CNBD1: variants seen among roughly 807,000 people sequenced by gnomAD.
CNBD1 encodes the protein cyclic nucleotide binding domain containing 1, also known as cyclic nucleotide-binding domain-containing protein 1.
A neutral mutation model predicts 54.4 loss-of-function variants in CNBD1; 71 were observed. That is an observed-to-expected ratio of 1.30 (90% CI 1.08 to 1.59). The LOEUF (loss-of-function observed/expected upper bound fraction) is 1.59, where lower values mean the gene tolerates loss of function less well. CNBD1 is among the 40% of genes most tolerant of loss of function. CNBD1 has a pLI of 0.00. For synonymous variants in CNBD1, 182 were observed against 170.7 expected, an observed-to-expected ratio of 1.07 and a Z score of -0.51; for missense variants, 659 against 518.0, an observed-to-expected ratio of 1.27 and a Z score of -2.64.
intron 8 of CNBD1, among the ~76,000 whole-genome samples, chr8:87,333,529 A>G (rs1451188179): frequency 1.3e-5 from 2 of 152,048 alleles, no homozygotes; most frequent in African/African-American, 4.8e-5. Context: ...AATAGCTCTT[A>G]TTATTTTGAG....
chr8:87,393,425 A>C (rs890017102), intron 2 of CNBD1, among the ~76,000 whole-genome samples: 3 of 152,092 alleles, frequency 2.0e-5, no homozygotes, highest in East Asian at 1.9e-4. Flanking sequence ...AAGTACACAT[A>C]TGCACTAAAT....
At chr8:87,239,611 A>G (rs575575220) in intron 6 of CNBD1, among the ~76,000 whole-genome samples, 75 of 152,290 alleles carry the variant, frequency 4.9e-4, no homozygotes, top group Non-Finnish European at 1.0e-3. Flanking sequence ...TCACCCTCCA[A>G]CAGTTTGGTA....
At chr8:87,335,041 G>T (rs1023862331) in intron 8 of CNBD1, among the ~76,000 whole-genome samples, 1 of 152,058 alleles carries the variant, frequency 6.6e-6, no homozygotes, top group Non-Finnish European at 1.5e-5. Context: ...TTGATCCTGA[G>T]TTCTAATTTG....
intron 6 of CNBD1, among the ~76,000 whole-genome samples, chr8:87,281,205 C>T (rs1368837970): frequency 6.6e-6 from 1 of 151,548 alleles, no homozygotes; most frequent in Non-Finnish European, 1.5e-5. Context: ...GATAACTCAG[C>T]ATTCTGTTTC....
intron 2 of CNBD1, among the ~76,000 whole-genome samples, chr8:86,899,692 C>A (rs1210890101): frequency 6.6e-6 from 1 of 152,146 alleles, no homozygotes; most frequent in Non-Finnish European, 1.5e-5. Context: ...GCGCTTATGG[C>A]AGCTTGTCTT....
At chr8:86,936,358 C>T (rs933036763) in intron 3 of CNBD1, among the ~76,000 whole-genome samples, 1 of 152,008 alleles carries the variant, frequency 6.6e-6, no homozygotes, top group Non-Finnish European at 1.5e-5. Context: ...GAAATATTAT[C>T]ACACATACAA....
intron 3 of CNBD1, among the ~76,000 whole-genome samples, chr8:86,912,196 T>A (rs1003609924): frequency 1.9e-4 from 29 of 152,240 alleles, no homozygotes; most frequent in Middle Eastern, 3.4e-3. Flanking sequence ...ATCAAAAAAA[T>A]TTTAAAAAAT....
intron 10 of CNBD1, among the ~76,000 whole-genome samples, chr8:87,357,207 G>T (rs1253274727): frequency 1.3e-5 from 2 of 152,136 alleles, no homozygotes; most frequent in Non-Finnish European, 2.9e-5. Context: ...AAGGAAATTT[G>T]GGATTGGAGC....
intron 8 of CNBD1, among the ~76,000 whole-genome samples, chr8:87,303,576 G>T (rs974809672): frequency 6.6e-6 from 1 of 152,058 alleles, no homozygotes; most frequent in East Asian, 1.9e-4. Flanking sequence ...CATAGGCATG[G>T]GCAAGGTCTT....
At chr8:86,995,491 C>G (rs1808850925) in intron 4 of CNBD1, among the ~76,000 whole-genome samples, 1 of 152,134 alleles carries the variant, frequency 6.6e-6, no homozygotes, top group Admixed American at 6.6e-5. Flanking sequence ...GTTCTTGCCT[C>G]TAATTCTGAC....
chr8:86,876,776 TTTTGA>T (rs1185192828), intron 1 of CNBD1, among the ~76,000 whole-genome samples: 1 of 152,034 alleles, frequency 6.6e-6, no homozygotes, highest in Non-Finnish European at 1.5e-5. Flanking sequence ...TAATATCCTC[TTTTGA>T]TTTAAGAATA....
chr8:87,102,365 C>T (rs139331005), intron 4 of CNBD1, among the ~76,000 whole-genome samples: 9 of 152,166 alleles, frequency 5.9e-5, no homozygotes, highest in East Asian at 5.8e-4. Flanking sequence ...GATAGCATGG[C>T]GAGAATTCGT....
intron 6 of CNBD1, among the ~76,000 whole-genome samples, chr8:87,277,077 T>C (rs1808498314): frequency 6.6e-6 from 1 of 151,550 alleles, no homozygotes; most frequent in African/African-American, 2.4e-5. Flanking sequence ...CATTTATATA[T>C]ATATATATAC....
chr8:87,413,341 A>G (rs1807780076), intron 2 of CNBD1, among the ~76,000 whole-genome samples: 1 of 152,024 alleles, frequency 6.6e-6, no homozygotes. Flanking sequence ...TTGTGTTTTA[A>G]AATGATTCAA....
intron 4 of CNBD1, among the ~76,000 whole-genome samples, chr8:86,968,504 C>A (rs1034621030): frequency 6.6e-6 from 1 of 152,208 alleles, no homozygotes; most frequent in Non-Finnish European, 1.5e-5. Context: ...TAAGGCAACT[C>A]TCAATCATTT....
At chr8:87,343,866 C>A (rs1409264831) in intron 8 of CNBD1, among the ~76,000 whole-genome samples, 1 of 151,496 alleles carries the variant, frequency 6.6e-6, no homozygotes, top group African/African-American at 2.4e-5. Context: ...TAGATATTTA[C>A]CTGATTTTTT....
chr8:87,422,911 G>C (rs1193393799), intron 2 of CNBD1, among the ~76,000 whole-genome samples: 1 of 152,072 alleles, frequency 6.6e-6, no homozygotes, highest in Non-Finnish European at 1.5e-5. Context: ...CATGAGCATG[G>C]AATGTTCTTC....
intron 4 of CNBD1, among the ~76,000 whole-genome samples, chr8:87,190,866 AATAGATATAGATACATGTACGT>A (rs1200003426): frequency 1.7e-5 from 1 of 58,452 alleles, no homozygotes; most frequent in Non-Finnish European, 4.3e-5. Flanking sequence ...CCTATATCTA[AATAGATATAGATACATGTACGT>A]ATATCTATTT....
At chr8:87,355,637 G>T (rs1445549828) in intron 10 of CNBD1, among the ~76,000 whole-genome samples, 1 of 152,100 alleles carries the variant, frequency 6.6e-6, no homozygotes, top group Non-Finnish European at 1.5e-5. Flanking sequence ...CAATAAAACT[G>T]GGAGTAAAGG....
Sources: allele counts gnomAD v4.1 joint callset (sites outside exome capture counted in the v4.1 genomes callset), GRCh38; gene constraint gnomAD v4.1.1; transcripts MANE v1.5; gene names NCBI Gene and HGNC (gene_info 2026-07-23, HGNC 2026-07-21).